Variants in ODAD2 observed in about 807,000 individuals in gnomAD.
ODAD2 encodes outer dynein arm-docking complex subunit 2.
ODAD2 carries 89 observed loss-of-function variants against 106.8 expected under a neutral mutation model. That is an observed-to-expected ratio of 0.83 (90% confidence interval 0.70 to 0.99). The LOEUF is 0.99. Ranked by LOEUF, ODAD2 falls within the 50% of genes least tolerant of loss-of-function variation. ODAD2 has a pLI of 0.00. For synonymous variants in ODAD2, 404 were observed against 436.2 expected, an observed-to-expected ratio of 0.93 and a Z score of 0.92; for missense variants, 1,168 against 1,238.5, an observed-to-expected ratio of 0.94 and a Z score of 0.85.
chr10:27,981,843 T>C (rs746175118), intron 6 of ODAD2: 16 of 247,668 alleles, frequency 6.5e-5, no homozygotes, highest in Admixed American at 1.8e-4. Context: ...TATATGCATG[T>C]AAGGCACTCT....
chr10:27,992,133 A>G (rs1850273083), intron 2 of ODAD2, among the ~76,000 whole-genome samples: 3 of 152,162 alleles, frequency 2.0e-5, no homozygotes, highest in Non-Finnish European at 4.4e-5. Context: ...CCAAAATCTC[A>G]GCTGTACACT....
At chr10:27,983,318 G>A (rs1341344447) in intron 6 of ODAD2, among the ~76,000 whole-genome samples, 1 of 152,214 alleles carries the variant, frequency 6.6e-6, no homozygotes, top group African/African-American at 2.4e-5. Flanking sequence ...ACTCTTCAGA[G>A]ATCTGGAGCC....
At position 27,900,403 on chromosome 10, in the gene ODAD2, C is replaced by T. The variant is rs369473624; in HGVS notation, c.2610+7260G>A. ...CTGAAAATTCCAAAAACCAGAACAT[C>T]TCTTCTCCAAAGGATCATAACTCCT... On this transcript the variant is annotated intron_variant, in intron 17 of 19. Coordinates refer to ENST00000305242, the MANE Select transcript of ODAD2 (RefSeq NM_018076.5). Among the ~76,000 whole-genome samples, 7 of 152,314 alleles carry T rather than the reference C, an allele frequency of 4.6e-5. No individual in the cohort carries two copies. The East Asian group carries it at 1.2e-3, about 25-fold the overall frequency.
chr10:27,924,018 GAAAGAA>G (rs1845033818), intron 16 of ODAD2, among the ~76,000 whole-genome samples: 9 of 141,898 alleles, frequency 6.3e-5, no homozygotes, highest in South Asian at 2.3e-4. Context: ...AAGAAAGAAA[GAAAGAA>G]GGAAAGAGAA....
At chr10:27,911,994 T>A (rs1445065898) in intron 16 of ODAD2, among the ~76,000 whole-genome samples, 1 of 152,188 alleles carries the variant, frequency 6.6e-6, no homozygotes, top group Admixed American at 6.5e-5. Context: ...ACCTCATACT[T>A]GCAAAATACA....
intron 9 of ODAD2, among the ~76,000 whole-genome samples, chr10:27,965,616 C>A (rs1207415721): frequency 6.6e-6 from 1 of 152,108 alleles, no homozygotes; most frequent in East Asian, 1.9e-4. Flanking sequence ...CAGCCTGCCA[C>A]CCCCTGGAGT....
chr10:27,958,317 T>G (rs537808529), intron 10 of ODAD2, among the ~76,000 whole-genome samples: 1 of 152,336 alleles, frequency 6.6e-6, no homozygotes, highest in South Asian at 2.1e-4. Context: ...GGACTTATCC[T>G]AAATAGTTGA....
intron 17 of ODAD2, among the ~76,000 whole-genome samples, chr10:27,878,325 C>A (rs535792868): frequency 6.6e-6 from 1 of 152,068 alleles, no homozygotes; most frequent in Non-Finnish European, 1.5e-5. Flanking sequence ...GGTTAAAATT[C>A]AACTAATGGG....
At chr10:27,871,824 G>C (rs1840917423) in intron 17 of ODAD2, among the ~76,000 whole-genome samples, 1 of 152,180 alleles carries the variant, frequency 6.6e-6, no homozygotes, top group African/African-American at 2.4e-5. Flanking sequence ...ACTTAGGATT[G>C]TCTTGGCAAT....
At chr10:27,851,408 C>G (rs1375870306) in intron 19 of ODAD2, among the ~76,000 whole-genome samples, 1 of 151,954 alleles carries the variant, frequency 6.6e-6, no homozygotes, top group East Asian at 1.9e-4. Flanking sequence ...TGTTAACATT[C>G]AAGGAATTGA....
At chr10:27,946,214 TA>T (rs943824306) in intron 10 of ODAD2, among the ~76,000 whole-genome samples, 2 of 148,302 alleles carry the variant, frequency 1.3e-5, no homozygotes, top group Admixed American at 6.8e-5. Context: ...TATATAAATA[TA>T]AAAAATACCA....
chr10:27,898,756 C>T (rs148589903), intron 17 of ODAD2, among the ~76,000 whole-genome samples: 2,349 of 152,090 alleles, frequency 0.015, 49 homozygotes, highest in African/African-American at 0.05. Context: ...TTGATATTGA[C>T]GAATACATTG....
intron 17 of ODAD2, among the ~76,000 whole-genome samples, chr10:27,884,724 A>G (rs1359398682): frequency 6.6e-6 from 1 of 152,184 alleles, no homozygotes; most frequent in East Asian, 1.9e-4. Context: ...GATTACAGGC[A>G]CAGAAGTACA....
chr10:27,843,952 C>T (rs961646152), intron 19 of ODAD2, among the ~76,000 whole-genome samples: 4 of 152,168 alleles, frequency 2.6e-5, no homozygotes, highest in Admixed American at 1.3e-4. Flanking sequence ...GTAATCCCAG[C>T]ACTTTGGGAA....
intron 10 of ODAD2, among the ~76,000 whole-genome samples, chr10:27,961,222 A>T (rs1485747837): frequency 6.6e-6 from 1 of 152,196 alleles, no homozygotes; most frequent in Non-Finnish European, 1.5e-5. Flanking sequence ...AGTAAGGGAA[A>T]CAGCCTGGAG....
chr10:27,976,072 A>C (rs1234382053), intron 7 of ODAD2, among the ~76,000 whole-genome samples: 1 of 152,142 alleles, frequency 6.6e-6, no homozygotes, highest in Non-Finnish European at 1.5e-5. Flanking sequence ...ACACAAAGAA[A>C]CATTTGATAA....
intron 2 of ODAD2, among the ~76,000 whole-genome samples, chr10:27,992,981 T>TCTCGGCTCACTGCAAC (rs1345780789): frequency 6.6e-6 from 1 of 152,186 alleles, no homozygotes; most frequent in Non-Finnish European, 1.5e-5. Context: ...TGTGGTGCAA[T>TCTCGGCTCACTGCAAC]CTCGGCTCAC....
At chr10:27,932,772 T>A (rs1391038779) in intron 16 of ODAD2, among the ~76,000 whole-genome samples, 1 of 152,192 alleles carries the variant, frequency 6.6e-6, no homozygotes, top group Admixed American at 6.5e-5. Context: ...TCAATCACAC[T>A]GTTTTCTTGT....
Position 27,907,743 on chromosome 10 carries a change from A to G in ODAD2, c.2530T>C (p.Trp844Arg). ...GGGTGAGGATTTTTCAGCAGGGACC[A>G]CAACAAACGAACTCCATCTAAGCGA... ...IDRLDGVRLL[W>R]SLLKNPHPDV... is the part of the protein sequence containing the mutation. The change falls in exon 17 of 20, where the codon TGG (tryptophan) becomes CGG (arginine). Residue 844 changes from tryptophan to arginine, a missense_variant. Trp to Arg is a moderately radical substitution (Grantham distance 101). Coordinates refer to ENST00000305242, the MANE Select transcript of ODAD2 (RefSeq NM_018076.5). 1.2e-6 allele frequency: 2 copies of G among 1,613,884 alleles called. No individual in the cohort carries two copies. Among genetic ancestry groups the G allele is most frequent in the South Asian group, 1.1e-5 (1 of 91,064 alleles).
Sources: allele counts gnomAD v4.1 joint callset (sites outside exome capture counted in the v4.1 genomes callset), GRCh38; gene constraint gnomAD v4.1.1; transcripts MANE v1.5; gene names NCBI Gene and HGNC (gene_info 2026-07-23, HGNC 2026-07-21).